ATP9B: variants seen among roughly 807,000 people sequenced by gnomAD.
ATP9B encodes probable phospholipid-transporting ATPase IIB.
ATP9B carries 110 observed loss-of-function variants against 146.1 expected under a neutral mutation model. That is an observed-to-expected ratio of 0.75 (90% CI 0.65 to 0.88). ATP9B has a LOEUF of 0.88. ATP9B is among the 40% of genes least tolerant of loss of function. ATP9B has a pLI of 0.00. For synonymous variants in ATP9B, 604 were observed against 569.7 expected (o/e 1.06, Z -0.86); for missense variants, 1,499 against 1,496.4 (o/e 1.00, Z -0.03).
intron 1 of ATP9B, among the ~76,000 whole-genome samples, chr18:79,073,840 C>T (rs1300349969): frequency 6.6e-6 from 1 of 152,170 alleles, no homozygotes; most frequent in African/African-American, 2.4e-5. Flanking sequence ...TTTATGTCTG[C>T]TGCTTTAAAA....
chr18:79,325,987 T>TA (rs576622689), intron 15 of ATP9B, among the ~76,000 whole-genome samples: 5 of 133,888 alleles, frequency 3.7e-5, no homozygotes, highest in Admixed American at 3.6e-4. Context: ...CACATGGTGT[T>TA]AGGGTGTCAT....
intron 9 of ATP9B, among the ~76,000 whole-genome samples, chr18:79,206,194 C>T (rs1243455351): frequency 2.0e-5 from 3 of 152,174 alleles, no homozygotes; most frequent in Non-Finnish European, 2.9e-5. Flanking sequence ...CCCACCTCGG[C>T]CTCCCAAAGT....
Position 79,336,813 on chromosome 18 carries a change from TAGTCTAGG to T in ATP9B, c.2112+106_2112+113del. ...TATGAAATTAGAGCTGGGATCGCTA[TAGTCTAGG>T]AGTGAAGGCAGCTTCGCTCAGCAGG... On this transcript the variant is annotated intron_variant, in intron 18 of 29. Coordinates refer to ENST00000426216, the MANE Select transcript of ATP9B (RefSeq NM_198531.5). 5 of 1,262,874 alleles carry T rather than the reference TAGTCTAGG, an allele frequency of 4.0e-6. No individual in the cohort carries two copies. In the South Asian group the frequency reaches 6.7e-5, roughly 17 times the overall value. 78.2% of individuals were successfully genotyped at this position (1,262,874 alleles called of 1,614,324 possible).
intron 6 of ATP9B, 29 bp downstream of exon 6, chr18:79,143,889 C>G (rs762127816): frequency 2.2e-6 from 3 of 1,375,554 alleles, no homozygotes; most frequent in South Asian, 1.4e-5. Flanking sequence ...TATTTTAGAC[C>G]TATGTATGCT....
At chr18:79,097,736 A>C (rs528024681) in intron 2 of ATP9B, among the ~76,000 whole-genome samples, 1 of 145,342 alleles carries the variant, frequency 6.9e-6, no homozygotes, top group East Asian at 2.0e-4. Context: ...ATAGTATTCC[A>C]TGGTGTATAT....
chr18:79,110,354 G>A lies in ATP9B; in HGVS notation c.294-1G>A, dbSNP rs1235827580. 5.6e-6 allele frequency: 9 copies of A among 1,593,470 alleles called. No homozygotes were observed. Among genetic ancestry groups the A allele is most frequent in the Non-Finnish European group, 7.7e-6 (9 of 1,170,266 alleles). ...CAATACGTATCTTTTGTTTCATACAGTTGCTGTGGTTGGCTGATAAATATT... is the reference window on the plus strand; with the variant it reads ...CAATACGTATCTTTTGTTTCATACAATTGCTGTGGTTGGCTGATAAATATT... On this transcript the variant is annotated splice_acceptor_variant, in intron 2 of 29. Transcript: ENST00000426216. LOFTEE classifies it high-confidence loss of function.
At chr18:79,199,092 G>C (rs187674773) in intron 9 of ATP9B, among the ~76,000 whole-genome samples, 2 of 152,038 alleles carry the variant, frequency 1.3e-5, no homozygotes, top group African/African-American at 4.8e-5. Context: ...GCTGGGATTA[G>C]AGTCACGCAC....
chr18:79,204,640 A>G (rs1194953740), intron 9 of ATP9B, among the ~76,000 whole-genome samples: 1 of 152,254 alleles, frequency 6.6e-6, no homozygotes, highest in Non-Finnish European at 1.5e-5. Flanking sequence ...AATTGAAGGA[A>G]GTAATTCCTA....
intron 15 of ATP9B, among the ~76,000 whole-genome samples, chr18:79,322,839 T>G (rs1305341907): frequency 6.6e-6 from 1 of 152,218 alleles, no homozygotes; most frequent in Non-Finnish European, 1.5e-5. Flanking sequence ...CAGAATGTTC[T>G]CAACATGCAG....
intron 2 of ATP9B, among the ~76,000 whole-genome samples, chr18:79,106,614 A>T (rs1364941791): frequency 6.6e-6 from 1 of 152,172 alleles, no homozygotes. Context: ...CCACTACTTT[A>T]TTCTGTCTGT....
chr18:79,266,826 T>C (rs2096208538), intron 12 of ATP9B, among the ~76,000 whole-genome samples: 2 of 152,090 alleles, frequency 1.3e-5, no homozygotes, highest in Non-Finnish European at 2.9e-5. Context: ...GTTAGTATTT[T>C]GTTTATTATT....
At chr18:79,347,505 C>A (rs1028079567) in intron 23 of ATP9B, among the ~76,000 whole-genome samples, 2 of 152,224 alleles carry the variant, frequency 1.3e-5, no homozygotes, top group Non-Finnish European at 2.9e-5. Flanking sequence ...CTCTGCAGCT[C>A]TGCTGACTCC....
intron 1 of ATP9B, among the ~76,000 whole-genome samples, chr18:79,093,203 A>AT (rs1003453867): frequency 7.9e-5 from 12 of 151,726 alleles, no homozygotes; most frequent in East Asian, 7.8e-4. Flanking sequence ...TTATTTTTCC[A>AT]TTTTTTTTAC....
chr18:79,175,756 ATG>A (rs1219783025), intron 7 of ATP9B, among the ~76,000 whole-genome samples: 1 of 152,120 alleles, frequency 6.6e-6, no homozygotes, highest in Non-Finnish European at 1.5e-5. Flanking sequence ...ACAAATACAT[ATG>A]TACACATGCA....
chr18:79,082,670 C>A (rs2073390036), intron 1 of ATP9B, among the ~76,000 whole-genome samples: 1 of 152,176 alleles, frequency 6.6e-6, no homozygotes, highest in African/African-American at 2.4e-5. Context: ...ACGTCTGTTG[C>A]AGGTCTGCTG....
At chr18:79,173,818 T>C (rs996709613) in intron 7 of ATP9B, 1 of 451,302 alleles carries the variant, frequency 2.2e-6, no homozygotes, top group Non-Finnish European at 4.4e-6. Context: ...TAAACAACTT[T>C]TAGCTGTTTT....
At chr18:79,119,069 T>TCAAAAAAAAAAAA (rs1275458712) in intron 4 of ATP9B, among the ~76,000 whole-genome samples, 6 of 148,300 alleles carry the variant, frequency 4.0e-5, no homozygotes, top group African/African-American at 1.5e-4. Flanking sequence ...AGACCGTGTC[T>TCAAAAAAAAAAAA]TAAAAAAAAA....
intron 7 of ATP9B, chr18:79,173,640 G>T (rs2095114205): frequency 6.7e-6 from 3 of 450,508 alleles, no homozygotes; most frequent in East Asian, 7.0e-5. Flanking sequence ...TTGTATGTTG[G>T]GGGGACTCTC....
chr18:79,214,132 T>A, intron 11 of ATP9B, 94 bp downstream of exon 11: 4 of 770,650 alleles, frequency 5.2e-6, no homozygotes, highest in Non-Finnish European at 7.8e-6. Flanking sequence ...TCTTTTGGCT[T>A]AACATATATC....
Sources: gnomAD v4.1 joint callset for allele counts (sites outside exome capture counted in the v4.1 genomes callset) on GRCh38, gnomAD v4.1.1 for gene constraint, MANE v1.5 for transcripts, NCBI Gene and HGNC (gene_info 2026-07-23, HGNC 2026-07-21) for gene names.